The following AXDND1 variants were observed in gnomAD, a reference collection of about 807,000 sequenced individuals.
AXDND1 encodes axonemal dynein light chain domain containing 1.
In AXDND1, 110 loss-of-function variants were observed where a neutral mutation model predicts 137.5. That is an observed-to-expected ratio of 0.80 (90% CI 0.69 to 0.94). The LOEUF (loss-of-function observed/expected upper bound fraction) is 0.94, where lower values mean the gene tolerates loss of function less well. Ranked by LOEUF, AXDND1 falls within the 40% of genes least tolerant of loss-of-function variation. The pLI, the probability that AXDND1 is intolerant of heterozygous loss-of-function variation, is 0.00. For missense variants in AXDND1, 1,191 were observed against 1,169.8 expected (o/e 1.02, Z -0.26); for synonymous variants, 414 against 399.7 (o/e 1.04, Z -0.43).
intron 15 of AXDND1, among the ~76,000 whole-genome samples, chr1:179,437,192 G>A (rs975638951): frequency 5.3e-5 from 8 of 152,172 alleles, no homozygotes; most frequent in African/African-American, 1.9e-4. Context: ...AGACAAAAGA[G>A]TATATTTGGA....
chr1:179,467,093 A>G (rs12131473), intron 16 of AXDND1, among the ~76,000 whole-genome samples: 25,517 of 152,098 alleles, frequency 0.17, 2,497 homozygotes, highest in East Asian at 0.35. Flanking sequence ...CCAAATTTCC[A>G]TGAAAGATAT....
At chr1:179,464,735 G>A (rs1662878259) in intron 16 of AXDND1, among the ~76,000 whole-genome samples, 2 of 152,170 alleles carry the variant, frequency 1.3e-5, no homozygotes, top group African/African-American at 4.8e-5. Context: ...CATTCTCCCT[G>A]TCACTTTCAG....
intron 12 of AXDND1, among the ~76,000 whole-genome samples, chr1:179,414,602 T>A (rs1284715318): frequency 1.3e-5 from 2 of 152,034 alleles, no homozygotes; most frequent in Admixed American, 6.6e-5. Flanking sequence ...ATTTTTTGTA[T>A]TTTTAGTAGA....
chr1:179,435,037 A>C (rs1657945315), intron 15 of AXDND1, among the ~76,000 whole-genome samples: 1 of 152,186 alleles, frequency 6.6e-6, no homozygotes, highest in Admixed American at 6.5e-5. Context: ...AAGCATTTCT[A>C]TGCACCAACA....
chr1:179,467,414 A>T (rs887825991), intron 16 of AXDND1, among the ~76,000 whole-genome samples: 1 of 152,248 alleles, frequency 6.6e-6, no homozygotes, highest in Non-Finnish European at 1.5e-5. Context: ...ACTTAAAAAA[A>T]ATTAAAAAGT....
chr1:179,500,967 T>C (rs750342142), intron 20 of AXDND1, among the ~76,000 whole-genome samples: 3 of 152,168 alleles, frequency 2.0e-5, no homozygotes, highest in Non-Finnish European at 4.4e-5. Flanking sequence ...CCACCATGCC[T>C]GGCTGAATTA....
chr1:179,473,566 T>A (rs2125501283), intron 17 of AXDND1, among the ~76,000 whole-genome samples: 1 of 152,314 alleles, frequency 6.6e-6, no homozygotes, highest in East Asian at 1.9e-4. Flanking sequence ...TACTTCTATC[T>A]AGTTTGATTC....
At chr1:179,387,564 A>G (rs974005541) in intron 9 of AXDND1, among the ~76,000 whole-genome samples, 2 of 152,236 alleles carry the variant, frequency 1.3e-5, no homozygotes, top group Admixed American at 1.3e-4. Context: ...ATTGGATGGC[A>G]GTCATGAATT....
intron 12 of AXDND1, among the ~76,000 whole-genome samples, chr1:179,413,976 C>A (rs1654294552): frequency 6.6e-6 from 1 of 151,916 alleles, no homozygotes; most frequent in Admixed American, 6.6e-5. Context: ...GTCAAAGTCA[C>A]TATTATTTCC....
chr1:179,398,286 G>A (rs961996262), intron 11 of AXDND1, among the ~76,000 whole-genome samples: 148 of 152,194 alleles, frequency 9.7e-4, no homozygotes, highest in Non-Finnish European at 3.7e-4. Context: ...CTCCTGGACC[G>A]TGTACTCCAA....
intron 16 of AXDND1, among the ~76,000 whole-genome samples, chr1:179,446,147 A>C (rs914595778): frequency 2.0e-5 from 3 of 152,172 alleles, no homozygotes; most frequent in African/African-American, 7.2e-5. Context: ...CTTTGGAGAA[A>C]TGTCTGCTCA....
intron 4 of AXDND1, among the ~76,000 whole-genome samples, chr1:179,378,109 T>C (rs1481322019): frequency 6.6e-6 from 1 of 152,072 alleles, no homozygotes; most frequent in African/African-American, 2.4e-5. Context: ...GTGGAGGTTG[T>C]AGTGAGCTGA....
rs746222779 is a variant in AXDND1 at position 179,525,289 on chromosome 1, A to G, written c.2497-45A>G. On this transcript the variant is annotated intron_variant, in intron 21 of 25. Transcript: ENST00000367618. ...AAATATTTTGAACAAATAATTGCTA[A>G]TATTTATATACACCCTTTAATCATA... 3.9e-6 allele frequency: 6 copies of G among 1,536,102 alleles called. 1 individual carries two copies. In the South Asian group the frequency reaches 6.2e-5, roughly 16 times the overall value.
chr1:179,466,382 C>T (rs1373296223), intron 16 of AXDND1, among the ~76,000 whole-genome samples: 2 of 148,462 alleles, frequency 1.3e-5, no homozygotes. Flanking sequence ...CCCTTGACCT[C>T]TCAAAGTGCT....
intron 17 of AXDND1, among the ~76,000 whole-genome samples, chr1:179,477,323 C>T (rs1664758853): frequency 6.6e-6 from 1 of 151,942 alleles, no homozygotes; most frequent in East Asian, 1.9e-4. Flanking sequence ...AGTTCATTTT[C>T]ACACTGTTGA....
At chr1:179,499,314 G>A (rs1667763959) in intron 20 of AXDND1, among the ~76,000 whole-genome samples, 1 of 151,674 alleles carries the variant, frequency 6.6e-6, no homozygotes, top group South Asian at 2.1e-4. Context: ...AACATGTTGA[G>A]TGAAAGAAGT....
chr1:179,540,088 T>C (rs1671976472), intron 25 of AXDND1, among the ~76,000 whole-genome samples: 1 of 152,034 alleles, frequency 6.6e-6, no homozygotes, highest in Non-Finnish European at 1.5e-5. Context: ...GTTAGCCATT[T>C]CGTCTAATCT....
At chr1:179,484,745 AGTGCACAT>A (rs548527606) in intron 18 of AXDND1, among the ~76,000 whole-genome samples, 9 of 152,248 alleles carry the variant, frequency 5.9e-5, no homozygotes, top group South Asian at 2.1e-4. Context: ...CTTCCCCACC[AGTGCACAT>A]GTGCACATGC....
intron 7 of AXDND1, 85 bp from the exon 8 acceptor site, chr1:179,383,357 C>A: frequency 1.0e-6 from 1 of 983,910 alleles, no homozygotes; most frequent in Non-Finnish European, 1.6e-6. Context: ...TATATATTCT[C>A]TTTACACATA....
Sources: gnomAD v4.1 joint callset for allele counts (sites outside exome capture counted in the v4.1 genomes callset) on GRCh38, gnomAD v4.1.1 for gene constraint, MANE v1.5 for transcripts, NCBI Gene and HGNC (gene_info 2026-07-23, HGNC 2026-07-21) for gene names.